HERC3: variants seen among roughly 807,000 people sequenced by gnomAD.
The protein encoded by HERC3 is HECT and RLD domain containing E3 ubiquitin protein ligase 3, also known as probable E3 ubiquitin-protein ligase HERC3.
HERC3 carries 58 observed loss-of-function variants against 129.9 expected under a neutral mutation model. That is an observed-to-expected ratio of 0.45 (90% confidence interval 0.36 to 0.56). The LOEUF (loss-of-function observed/expected upper bound fraction) is 0.56, where lower values mean the gene tolerates loss of function less well. Ranked by LOEUF, HERC3 falls within the 20% of genes least tolerant of loss-of-function variation. The pLI is 0.00. For synonymous variants in HERC3, 430 were observed against 451.0 expected, an observed-to-expected ratio of 0.95 and a Z score of 0.59; for missense variants, 835 against 1,244.2, an observed-to-expected ratio of 0.67 and a Z score of 4.95.
rs371185974 is a variant in HERC3 at position 88,605,773 on chromosome 4, A to T, written c.-29-22A>T. 2,565 of 1,424,346 alleles carry T rather than the reference A, an allele frequency of 1.8e-3. 6 individuals carry two copies. The highest frequency in any genetic ancestry group is 2.3e-3 in the Non-Finnish European group (2,406 of 1,027,150). The allele number at this position is 1,424,346 out of a possible 1,614,324, so 88.2% of individuals were successfully genotyped here. On this transcript the variant is annotated intron_variant, in intron 2 of 25. Coordinates refer to ENST00000402738, the MANE Select transcript of HERC3 (RefSeq NM_014606.3). The stretch of plus-strand genomic sequence containing the variant: ...CCTATTTCTTTTTAATTAAAAAATA[A>T]TTTTTTTAAACTCTCTCCTAGGCTA...
At chr4:88,675,870 T>G (rs1732112500) in intron 16 of HERC3, among the ~76,000 whole-genome samples, 1 of 152,138 alleles carries the variant, frequency 6.6e-6, no homozygotes, top group South Asian at 2.1e-4. Flanking sequence ...TATTGTCCAC[T>G]TTACCCAACA....
chr4:88,543,638 G>T, the HERC3 span, among the ~76,000 whole-genome samples: 1 of 152,102 alleles, frequency 6.6e-6, no homozygotes, highest in Non-Finnish European at 1.5e-5. Flanking sequence ...TCAATCCTAA[G>T]CCAAAAGAAC....
the HERC3 span, among the ~76,000 whole-genome samples, chr4:88,533,233 A>G: frequency 6.6e-6 from 1 of 152,248 alleles, no homozygotes; most frequent in African/African-American, 2.4e-5. Context: ...TGCTCATTCC[A>G]CCTTCTTCTG....
At chr4:88,657,259 G>A (rs1045451582) in intron 9 of HERC3, 15 of 152,152 alleles carry the variant, frequency 9.9e-5, no homozygotes, top group African/African-American at 3.4e-4. Flanking sequence ...AGAAACTCAA[G>A]GACACAGACA....
chr4:88,576,355 G>A, the HERC3 span, among the ~76,000 whole-genome samples: 1 of 152,282 alleles, frequency 6.6e-6, no homozygotes, highest in Admixed American at 6.5e-5. Flanking sequence ...AAGGTCCCCA[G>A]AAGGGTCTGC....
intron 23 of HERC3, among the ~76,000 whole-genome samples, chr4:88,698,862 TTTCCCCACCTTCCTCACCCTCTTC>T (rs1425664504): frequency 7.4e-6 from 1 of 134,916 alleles, no homozygotes; most frequent in Non-Finnish European, 1.6e-5. Flanking sequence ...GCACTGTCCT[TTTCCCCACCTTCCTCACCCTCTTC>T]TTCCCCACCC....
At chr4:88,543,628 T>G in the HERC3 span, among the ~76,000 whole-genome samples, 1 of 152,148 alleles carries the variant, frequency 6.6e-6, no homozygotes, top group Admixed American at 6.6e-5. Flanking sequence ...CATTGCCAAG[T>G]CAATCCTAAG....
At chr4:88,686,364 C>T (rs970026884) in intron 21 of HERC3, among the ~76,000 whole-genome samples, 20 of 152,050 alleles carry the variant, frequency 1.3e-4, no homozygotes, top group African/African-American at 3.4e-4. Flanking sequence ...ATGCATAAGC[C>T]GGTGAAGCTG....
At chr4:88,613,718 C>A (rs1302231572) in intron 3 of HERC3, among the ~76,000 whole-genome samples, 1 of 152,182 alleles carries the variant, frequency 6.6e-6, no homozygotes, top group East Asian at 1.9e-4. Flanking sequence ...CAGAATGTGC[C>A]ATAGGAAGTG....
At chr4:88,577,965 A>G in the HERC3 span, among the ~76,000 whole-genome samples, 3 of 152,322 alleles carry the variant, frequency 2.0e-5, no homozygotes, top group East Asian at 5.8e-4. Context: ...TGACAGGCAG[A>G]TTCTGTAACA....
the HERC3 span, among the ~76,000 whole-genome samples, chr4:88,539,507 A>C: frequency 6.6e-6 from 1 of 152,216 alleles, no homozygotes; most frequent in Non-Finnish European, 1.5e-5. Context: ...AGCTGAACAA[A>C]AGGCAGCAGA....
the HERC3 span, among the ~76,000 whole-genome samples, chr4:88,564,398 A>G: frequency 9.2e-5 from 14 of 152,316 alleles, no homozygotes; most frequent in Admixed American, 9.2e-4. Context: ...CAGTGTTGCC[A>G]TCAAGTGTCA....
chr4:88,665,473 A>G (rs956272891), intron 12 of HERC3, among the ~76,000 whole-genome samples: 1 of 152,174 alleles, frequency 6.6e-6, no homozygotes, highest in Non-Finnish European at 1.5e-5. Context: ...GAAGAGAGAA[A>G]TAATTTGTCT....
At chr4:88,549,267 A>G in the HERC3 span, among the ~76,000 whole-genome samples, 1 of 151,922 alleles carries the variant, frequency 6.6e-6, no homozygotes, top group Admixed American at 6.6e-5. Context: ...AACTTGCATT[A>G]TATTATAAAT....
At chr4:88,683,409 A>T (rs912614572) in intron 21 of HERC3, among the ~76,000 whole-genome samples, 2 of 152,208 alleles carry the variant, frequency 1.3e-5, no homozygotes, top group Non-Finnish European at 2.9e-5. Context: ...GAAAAAACTT[A>T]GAAGTAATAC....
the HERC3 span, among the ~76,000 whole-genome samples, chr4:88,538,248 A>T: frequency 2.6e-5 from 4 of 152,174 alleles, no homozygotes; most frequent in Admixed American, 6.5e-5. Context: ...TCCTTCTCTC[A>T]CTAGATTCAG....
At chr4:88,673,361 T>G (rs1391049232) in intron 16 of HERC3, among the ~76,000 whole-genome samples, 1 of 152,160 alleles carries the variant, frequency 6.6e-6, no homozygotes, top group African/African-American at 2.4e-5. Flanking sequence ...TGCAGCCACA[T>G]TTAGGAGATG....
intron 3 of HERC3, among the ~76,000 whole-genome samples, chr4:88,626,168 AGTTT>A (rs1381825234): frequency 6.6e-6 from 1 of 151,986 alleles, no homozygotes; most frequent in African/African-American, 2.4e-5. Flanking sequence ...TTTCTAGAAG[AGTTT>A]GTTTATGTTA....
At chr4:88,625,484 G>T (rs2149229369) in intron 3 of HERC3, among the ~76,000 whole-genome samples, 1 of 152,000 alleles carries the variant, frequency 6.6e-6, no homozygotes, top group East Asian at 1.9e-4. Flanking sequence ...CTAGTATTTT[G>T]TTAGTATTTA....
Sources: gnomAD v4.1 joint callset for allele counts (sites outside exome capture counted in the v4.1 genomes callset) on GRCh38, gnomAD v4.1.1 for gene constraint, MANE v1.5 for transcripts, NCBI Gene and HGNC (gene_info 2026-07-23, HGNC 2026-07-21) for gene names.